The following SUGCT variants were observed in gnomAD, a reference collection of about 807,000 sequenced individuals.
SUGCT encodes succinyl-CoA:glutarate-CoA transferase, also known as succinyl-CoA:glutarate CoA-transferase.
A neutral mutation model predicts 55.0 loss-of-function variants in SUGCT; 41 were observed. The observed-to-expected ratio is 0.74, with a 90% CI of 0.58 to 0.97. SUGCT has a LOEUF of 0.97. Ranked by LOEUF, SUGCT falls within the 50% of genes least tolerant of loss-of-function variation. The pLI is 0.00. For synonymous variants in SUGCT, 187 were observed against 200.4 expected, an observed-to-expected ratio of 0.93 and a Z score of 0.56; for missense variants, 568 against 547.8, an observed-to-expected ratio of 1.04 and a Z score of -0.37.
chr7:40,631,831 G>A (rs180862960), intron 12 of SUGCT, among the ~76,000 whole-genome samples: 22 of 152,290 alleles, frequency 1.4e-4, no homozygotes, highest in Admixed American at 5.2e-4. Flanking sequence ...TGATATTCCC[G>A]TGGTCATGAA....
chr7:40,728,041 T>C (rs549568362), intron 12 of SUGCT, among the ~76,000 whole-genome samples: 14 of 152,182 alleles, frequency 9.2e-5, no homozygotes, highest in Non-Finnish European at 1.9e-4. Flanking sequence ...ATAAAGGTTT[T>C]TTTCTTTGTT....
intron 11 of SUGCT, among the ~76,000 whole-genome samples, chr7:40,488,219 G>A (rs1405635825): frequency 1.3e-5 from 2 of 150,190 alleles, no homozygotes; most frequent in Non-Finnish European, 3.0e-5. Flanking sequence ...TTTACTTTTT[G>A]TGTATTTTTT....
chr7:40,205,724 G>A (rs965864155), intron 6 of SUGCT, among the ~76,000 whole-genome samples: 1 of 150,926 alleles, frequency 6.6e-6, no homozygotes, highest in African/African-American at 2.4e-5. Context: ...GGATATGCAA[G>A]TACCCTCTCA....
At chr7:40,599,876 C>T in intron 12 of SUGCT, among the ~76,000 whole-genome samples, 1 of 152,122 alleles carries the variant, frequency 6.6e-6, no homozygotes, top group African/African-American at 2.4e-5. Flanking sequence ...TCTCAGCATT[C>T]AAAGAACCGG....
At chr7:40,229,582 G>A (rs1273988787) in intron 6 of SUGCT, among the ~76,000 whole-genome samples, 2 of 151,802 alleles carry the variant, frequency 1.3e-5, no homozygotes, top group Non-Finnish European at 2.9e-5. Context: ...GGAGGCTGAG[G>A]CAAGTGGATC....
At chr7:41,030,147 G>C in the SUGCT span, among the ~76,000 whole-genome samples, 1 of 152,038 alleles carries the variant, frequency 6.6e-6, no homozygotes. Context: ...CAGTTTTGCT[G>C]TTTGCCTATT....
At chr7:40,724,338 G>A (rs1436154301) in intron 12 of SUGCT, among the ~76,000 whole-genome samples, 1 of 152,148 alleles carries the variant, frequency 6.6e-6, no homozygotes, top group East Asian at 1.9e-4. Flanking sequence ...GGCCAAGGCG[G>A]GCAGATGACA....
intron 8 of SUGCT, among the ~76,000 whole-genome samples, chr7:40,312,070 G>A (rs527625116): frequency 2.0e-4 from 28 of 139,010 alleles, no homozygotes; most frequent in African/African-American, 7.2e-4. Flanking sequence ...TTTTTGAGTT[G>A]GTCTTGTTGC....
At chr7:40,921,233 A>G in the SUGCT span, among the ~76,000 whole-genome samples, 1 of 152,120 alleles carries the variant, frequency 6.6e-6, no homozygotes, top group Non-Finnish European at 1.5e-5. Flanking sequence ...TATTTTATTT[A>G]TTTATTTTTT....
chr7:40,266,711 A>C (rs1334573848), intron 7 of SUGCT, among the ~76,000 whole-genome samples: 1 of 152,030 alleles, frequency 6.6e-6, no homozygotes. Flanking sequence ...GGGATGACAG[A>C]GTATAAGAAA....
At chr7:40,195,576 T>C (rs1786216480) in intron 6 of SUGCT, among the ~76,000 whole-genome samples, 1 of 152,146 alleles carries the variant, frequency 6.6e-6, no homozygotes, top group Admixed American at 6.6e-5. Context: ...TTCATAAATT[T>C]ATTGGCTATT....
chr7:40,193,173 C>A (rs1181166645), intron 5 of SUGCT, among the ~76,000 whole-genome samples: 1 of 151,250 alleles, frequency 6.6e-6, no homozygotes, highest in Non-Finnish European at 1.5e-5. Flanking sequence ...TGGTATGTTG[C>A]CCAGGCATGT....
intron 13 of SUGCT, among the ~76,000 whole-genome samples, chr7:40,818,244 T>A (rs1204278650): frequency 6.6e-6 from 1 of 152,156 alleles, no homozygotes; most frequent in African/African-American, 2.4e-5. Flanking sequence ...TGTTACTCTA[T>A]GGAGGTCTAC....
At chr7:40,992,869 G>A in the SUGCT span, among the ~76,000 whole-genome samples, 1 of 152,140 alleles carries the variant, frequency 6.6e-6, no homozygotes, top group South Asian at 2.1e-4. Context: ...ATATTCAAGA[G>A]CAAGAGTGTT....
At position 40,815,314 on chromosome 7, in the gene SUGCT, T is replaced by G. The variant is rs888968133; in HGVS notation, c.1154-45002T>G. ...CACCCAGAGGTGTGCCTAGGCATGG[T>G]GCTGGGAAACCTCCTTGGCCTAAGT... On this transcript the variant is annotated intron_variant, in intron 13 of 13. Coordinates refer to ENST00000335693, the MANE Select transcript of SUGCT (RefSeq NM_001193313.2). Among the ~76,000 whole-genome samples the G allele has an allele frequency of 3.3e-5, 5 of 152,330 alleles. No homozygotes were observed. In the East Asian group the frequency reaches 9.7e-4, roughly 29 times the overall value.
Position 40,183,245 on chromosome 7 carries a change from C to T in SUGCT, c.226+1217C>T, listed in dbSNP as rs566431422. Among the ~76,000 whole-genome samples the T allele has an allele frequency of 2.9e-4, 44 of 152,324 alleles. No individual in the cohort carries two copies. The South Asian group carries it at 8.3e-3, about 29-fold the overall frequency. On this transcript the variant is annotated intron_variant, in intron 3 of 13. Coordinates refer to ENST00000335693, the MANE Select transcript of SUGCT (RefSeq NM_001193313.2). ...CCGAGGTCGTGCCACTGCACTCCAG[C>T]CTGGGTGACAGAGTGAGACCCTGTC...
chr7:40,139,148 A>C (rs548866493), intron 1 of SUGCT, among the ~76,000 whole-genome samples: 213 of 148,402 alleles, frequency 1.4e-3, no homozygotes, highest in African/African-American at 5.0e-3. Context: ...ATAAATAAAT[A>C]AATAAATAAA....
the SUGCT span, among the ~76,000 whole-genome samples, chr7:41,000,843 T>C: frequency 3.9e-5 from 6 of 152,204 alleles, no homozygotes; most frequent in Admixed American, 3.9e-4. Flanking sequence ...AGGCACAACA[T>C]ATTTTTAAGG....
At chr7:40,195,253 C>T (rs533630488) in intron 6 of SUGCT, among the ~76,000 whole-genome samples, 193 bp downstream of exon 6, 7 of 136,428 alleles carry the variant, frequency 5.1e-5, no homozygotes, top group African/African-American at 1.7e-4. Flanking sequence ...GACAGAGTCT[C>T]GCTCTGTTGC....
Sources: gnomAD v4.1 joint callset for allele counts (sites outside exome capture counted in the v4.1 genomes callset) on GRCh38, gnomAD v4.1.1 for gene constraint, MANE v1.5 for transcripts, NCBI Gene and HGNC (gene_info 2026-07-23, HGNC 2026-07-21) for gene names.